DSCAML1: variants seen among roughly 807,000 people sequenced by gnomAD.
DSCAML1 encodes cell adhesion molecule DSCAML1.
DSCAML1 carries 38 observed loss-of-function variants against 200.5 expected under a neutral mutation model. That is an observed-to-expected ratio of 0.19 (90% CI 0.15 to 0.25). The LOEUF is 0.25. Ranked by LOEUF, DSCAML1 falls within the 10% of genes least tolerant of loss-of-function variation. DSCAML1 has a pLI of 1.00. For missense variants in DSCAML1, 2,223 were observed against 2,858.8 expected (o/e 0.78, Z 5.07); for synonymous variants, 1,215 against 1,165.0 (o/e 1.04, Z -0.87).
chr11:117,594,521 C>T (rs1236577564), intron 3 of DSCAML1, among the ~76,000 whole-genome samples: 1 of 152,242 alleles, frequency 6.6e-6, no homozygotes, highest in East Asian at 1.9e-4. Flanking sequence ...CAGGAACAGT[C>T]AGGTCTGCCC....
intron 3 of DSCAML1, among the ~76,000 whole-genome samples, chr11:117,727,846 G>A (rs2054159318): frequency 6.6e-6 from 1 of 152,212 alleles, no homozygotes; most frequent in African/African-American, 2.4e-5. Context: ...TCTGAGCCAA[G>A]CGTAAAAGAC....
At chr11:117,464,873 C>A in intron 17 of DSCAML1, 69 bp downstream of exon 17, 2 of 1,574,446 alleles carry the variant, frequency 1.3e-6, no homozygotes, top group South Asian at 1.2e-5. Context: ...ACCCACAAAC[C>A]CTCTCTGGCA....
chr11:117,798,297 C>T (rs909180075), upstream of DSCAML1, among the ~76,000 whole-genome samples: 2 of 152,218 alleles, frequency 1.3e-5, no homozygotes, highest in Non-Finnish European at 2.9e-5. Flanking sequence ...AAGGGGTCCA[C>T]TGGCTAGCTG....
chr11:117,726,610 GGAA>G (rs2054136272), intron 3 of DSCAML1, among the ~76,000 whole-genome samples: 1 of 152,058 alleles, frequency 6.6e-6, no homozygotes, highest in South Asian at 2.1e-4. Context: ...GCTTCCGGAA[GGAA>G]GAAGACCAAG....
intron 1 of DSCAML1, among the ~76,000 whole-genome samples, chr11:117,807,918 T>C (rs578053100): frequency 2.0e-5 from 3 of 152,192 alleles, no homozygotes; most frequent in Admixed American, 2.0e-4. Flanking sequence ...ACCTCCTGGG[T>C]TCAAATGATT....
chr11:117,799,468 G>C (rs1316696204), upstream of DSCAML1, among the ~76,000 whole-genome samples: 1 of 152,116 alleles, frequency 6.6e-6, no homozygotes, highest in East Asian at 1.9e-4. Context: ...GTTATACACA[G>C]GGGGCTTTAA....
At chr11:117,663,942 C>T (rs951597133) in intron 3 of DSCAML1, among the ~76,000 whole-genome samples, 8 of 152,344 alleles carry the variant, frequency 5.3e-5, no homozygotes, top group East Asian at 3.9e-4. Context: ...CCAGTGTTTC[C>T]GCTGAGCTGT....
intron 3 of DSCAML1, among the ~76,000 whole-genome samples, chr11:117,772,637 G>T (rs188029779): frequency 6.6e-6 from 1 of 152,224 alleles, no homozygotes. Flanking sequence ...ATCAGGTCTG[G>T]TGGAAATTAA....
In DSCAML1 at chr11:117,465,108, G is replaced by A; in HGVS notation, c.3099C>T (p.Ser1033=). ...TCTCCACGATGCTGTACTGCCCGTT[G>A]CTGCCGGGGCTGTTCTCTCTGTAGC... ...QIGYRENSPG[S]NGQYSIVEMK... is the part of the protein sequence containing the mutation. The change falls in exon 17 of 33, where the codon AGC becomes AGT. Residue 1033 remains serine, a synonymous_variant. Transcript: ENST00000651296. 1 of 1,614,154 alleles carries A rather than the reference G, an allele frequency of 6.2e-7. No homozygotes were observed. The highest frequency in any genetic ancestry group is 8.5e-7 in the Non-Finnish European group (1 of 1,180,034).
At chr11:117,529,454 A>G (rs1414967316) in intron 4 of DSCAML1, among the ~76,000 whole-genome samples, 1 of 152,114 alleles carries the variant, frequency 6.6e-6, no homozygotes, top group African/African-American at 2.4e-5. Context: ...CATTTTCCGG[A>G]TGAGGCAGCT....
intron 1 of DSCAML1, among the ~76,000 whole-genome samples, chr11:117,783,890 A>C (rs1591507710): frequency 1.3e-5 from 2 of 150,982 alleles, no homozygotes; most frequent in Non-Finnish European, 1.5e-5. Flanking sequence ...AATCCATTCC[A>C]CTCTCCCTGC....
intron 4 of DSCAML1, among the ~76,000 whole-genome samples, chr11:117,530,659 T>G (rs549715419): frequency 6.6e-6 from 1 of 152,234 alleles, no homozygotes; most frequent in South Asian, 2.1e-4. Context: ...GCTCCTGATC[T>G]CCTGGCCTTG....
chr11:117,457,875 A>C (rs1304017696), intron 19 of DSCAML1, among the ~76,000 whole-genome samples: 1 of 152,242 alleles, frequency 6.6e-6, no homozygotes, highest in Non-Finnish European at 1.5e-5. Flanking sequence ...AAAGGAAGCC[A>C]CCATGCCAAG....
At chr11:117,434,911 C>T (rs2047880820) in intron 27 of DSCAML1, among the ~76,000 whole-genome samples, 1 of 152,206 alleles carries the variant, frequency 6.6e-6, no homozygotes, top group Non-Finnish European at 1.5e-5. Context: ...TTAGTCATTC[C>T]CTCTTCTGTG....
chr11:117,433,014 TG>T, intron 29 of DSCAML1, 123 bp downstream of exon 29: 1 of 784,528 alleles, frequency 1.3e-6, no homozygotes. Flanking sequence ...GGTTGTTGAG[TG>T]GTTGATGGGG....
intron 17 of DSCAML1, among the ~76,000 whole-genome samples, chr11:117,462,085 C>T (rs1348455902): frequency 1.3e-5 from 2 of 152,188 alleles, no homozygotes; most frequent in East Asian, 1.9e-4. Flanking sequence ...GTTCTAGGGA[C>T]TCCTGTGTCC....
intron 4 of DSCAML1, 39 bp from the exon 5 acceptor site, chr11:117,525,122 G>A (rs1171234522): frequency 2.0e-6 from 3 of 1,490,806 alleles, no homozygotes; most frequent in South Asian, 2.6e-5. Flanking sequence ...GGCCAGCCCT[G>A]GGTGGGATGA....
At chr11:117,460,417 C>T (rs2048456281) in intron 18 of DSCAML1, among the ~76,000 whole-genome samples, 2 of 152,210 alleles carry the variant, frequency 1.3e-5, no homozygotes, top group Admixed American at 1.3e-4. Flanking sequence ...TGACTGTGAG[C>T]TGGATTCCAA....
chr11:117,746,607 G>T (rs1213698265), intron 3 of DSCAML1, among the ~76,000 whole-genome samples: 1 of 152,276 alleles, frequency 6.6e-6, no homozygotes, highest in South Asian at 2.1e-4. Flanking sequence ...ACCTGCCAAC[G>T]TGGCCTCCTC....
Sources: allele counts gnomAD v4.1 joint callset (sites outside exome capture counted in the v4.1 genomes callset), GRCh38; gene constraint gnomAD v4.1.1; transcripts MANE v1.5; gene names NCBI Gene and HGNC (gene_info 2026-07-23, HGNC 2026-07-21).